ARMC5: variants seen among roughly 807,000 people sequenced by gnomAD.
ARMC5 encodes the protein armadillo repeat containing 5, also known as armadillo repeat-containing protein 5.
A neutral mutation model predicts 60.5 loss-of-function variants in ARMC5; 28 were observed. That is an observed-to-expected ratio of 0.46 (90% CI 0.34 to 0.63). The LOEUF is 0.63. ARMC5 is among the 30% of genes least tolerant of loss of function. ARMC5 has a pLI of 0.01. For synonymous variants in ARMC5, 680 were observed against 607.3 expected (o/e 1.12, Z -1.76); for missense variants, 1,189 against 1,304.9 (o/e 0.91, Z 1.37).
At position 31,461,959 on chromosome 16, in the gene ARMC5, G is replaced by A. The variant is rs201474630; in HGVS notation, c.513G>A (p.Gln171=). 180 of 1,614,214 alleles carry A rather than the reference G, an allele frequency of 1.1e-4. No individual in the cohort carries two copies. The Middle Eastern group carries it at 1.3e-3, about 12-fold the overall frequency. ...ILQCMKTDSI[Q]NRTARALGNL... ...AGTGCATGAAGACAGACAGCATCCA[G>A]AACCGAACGGCCCGTGCCCTGGGGA... is the stretch of plus-strand genomic sequence containing the variant. The change falls in exon 2 of 6, where the codon CAG becomes CAA. Residue 171 remains glutamine, a synonymous_variant. Coordinates refer to ENST00000268314, the MANE Select transcript of ARMC5 (RefSeq NM_001105247.2).
chr16:31,460,943 C>T (rs2082298942), intron 1 of ARMC5, among the ~76,000 whole-genome samples: 1 of 152,172 alleles, frequency 6.6e-6, no homozygotes, highest in East Asian at 1.9e-4. Flanking sequence ...GTTTTGATGA[C>T]ATCTTAACTT....
chr16:31,459,765 G>C lies in ARMC5; in HGVS notation c.241G>C (p.Gly81Arg), dbSNP rs754376008. Residue 81 changes from glycine to arginine, a missense_variant, in exon 1 of 6, where the codon GGT becomes CGT. This residue lies in a region of ARMC5 where 327 missense variants were observed against 233.7 expected (regional missense o/e 1.40). Coordinates refer to ENST00000268314, the MANE Select transcript of ARMC5 (RefSeq NM_001105247.2). ...GCTGCTACGGCGAGCGGCTGCAGCG[G>C]GTTCCGCCCCGTCCCAGGCAGGCCC... ...LALLRRAAAA[G>R]SAPSQAGPGS... 9 of 1,536,044 alleles carry C rather than the reference G, an allele frequency of 5.9e-6. No individual in the cohort carries two copies. The South Asian group carries it at 8.3e-5, about 14-fold the overall frequency.
rs1033133219 is a variant in ARMC5 at position 31,459,770 on chromosome 16, C to T, written c.246C>T (p.Ser82=). 10 of 1,538,916 alleles carry T rather than the reference C, an allele frequency of 6.5e-6. No homozygotes were observed. Among genetic ancestry groups the T allele is most frequent in the Middle Eastern group, 2.2e-4 (1 of 4,626 alleles). Residue 82 remains serine (S), a synonymous_variant, in exon 1 of 6, where the codon TCC becomes TCT. Coordinates refer to ENST00000268314, the MANE Select transcript of ARMC5 (RefSeq NM_001105247.2). ...ALLRRAAAAG[S]APSQAGPGSA... is the part of the protein sequence containing the mutation. ...TACGGCGAGCGGCTGCAGCGGGTTC[C>T]GCCCCGTCCCAGGCAGGCCCCGGCT...
rs537788230 is a variant in ARMC5 at position 31,464,292 on chromosome 16, TAAAA to T, written c.1371-81_1371-78del. Reference sequence around the variant, plus strand: ...GCTATAGAGGGATACCACATTTCTTTAAAAAAAAAAAAAAAAAAAAAAAAGACGC... The same window carrying T: ...GCTATAGAGGGATACCACATTTCTTTAAAAAAAAAAAAAAAAAAAAGACGC... On this transcript the variant is annotated intron_variant, in intron 3 of 5. Transcript: ENST00000268314. The surrounding 1 kb of genome is among the most constrained non-coding windows in gnomAD (Gnocchi z 7.6). The T allele has an allele frequency of 3.8e-3, 1,901 of 496,810 alleles. No homozygotes were observed. Among genetic ancestry groups the T allele is most frequent in the East Asian group, 4.9e-3 (110 of 22,380 alleles). 30.8% of individuals were successfully genotyped at this position (496,810 alleles called of 1,614,324 possible). A position where few individuals can be genotyped will look rare whatever the true frequency, so the allele number is the denominator to read the frequency against.
At chr16:31,460,601 C>T (rs769981915) in intron 1 of ARMC5, among the ~76,000 whole-genome samples, 4 of 152,124 alleles carry the variant, frequency 2.6e-5, no homozygotes, top group Non-Finnish European at 5.9e-5. Flanking sequence ...TGCAGTGGTA[C>T]GCGCCTGTAG....
chr16:31,465,740 T>C, intron 4 of ARMC5, 110 bp from the exon 5 acceptor site: 1 of 1,548,326 alleles, frequency 6.5e-7, no homozygotes, highest in Non-Finnish European at 8.6e-7. Flanking sequence ...TGCCCTGATT[T>C]CTCACCCAGA....
chr16:31,463,116 C>T (rs75779906), intron 3 of ARMC5, among the ~76,000 whole-genome samples, 199 bp downstream of exon 3: 5 of 149,492 alleles, frequency 3.3e-5, no homozygotes, highest in South Asian at 2.1e-4. Context: ...TTTTTTTTTT[C>T]GAGACAGAGT....
chr16:31,465,123 T>C, intron 4 of ARMC5: 1 of 1,613,978 alleles, frequency 6.2e-7, no homozygotes, highest in Non-Finnish European at 8.5e-7. Flanking sequence ...ACCCTAACTC[T>C]AGATGCAGCC....
rs549737362 is a variant in ARMC5, at chr16:31,465,135, C to A, written c.1864+248C>A. 3.1e-6 allele frequency: 5 copies of A among 1,613,824 alleles called. No homozygotes were observed. In the South Asian group the frequency reaches 5.5e-5, roughly 18 times the overall value. ...GATACCCTAACTCTAGATGCAGCCC[C>A]GCGCCCAGGATCTGGGCTGGTCTGT... On this transcript the variant is annotated intron_variant, in intron 4 of 5. Transcript: ENST00000268314.
In ARMC5 at chr16:31,462,110, G is replaced by T. The variant is rs946840282; in HGVS notation, c.584-21G>T. The T allele has an allele frequency of 6.2e-7, 1 of 1,612,294 alleles. No homozygotes were observed. The highest frequency in any genetic ancestry group is 8.5e-7 in the Non-Finnish European group (1 of 1,178,996). On this transcript the variant is annotated intron_variant, in intron 2 of 5. Coordinates refer to ENST00000268314, the MANE Select transcript of ARMC5 (RefSeq NM_001105247.2). This position sits in a 1 kb window ranked among gnomAD's most constrained non-coding sequence, Gnocchi z 7.2. Reference sequence around the variant, plus strand: ...GTGTCTGTCCTTGTTCACCCTCTGTGCTCCCCTTTCCTGCCCTCAGGTGCT... The same window carrying T: ...GTGTCTGTCCTTGTTCACCCTCTGTTCTCCCCTTTCCTGCCCTCAGGTGCT...
At chr16:31,463,969 C>T (rs567144643) in intron 3 of ARMC5, among the ~76,000 whole-genome samples, 2 of 152,260 alleles carry the variant, frequency 1.3e-5, no homozygotes, top group East Asian at 3.9e-4. Flanking sequence ...TCTCCGCCCT[C>T]CTTCTCTCCC....
In ARMC5 at chr16:31,462,963, GT is replaced by G. The variant is rs749527410; in HGVS notation, c.1370+47del. The G allele has an allele frequency of 6.8e-7, 1 of 1,470,098 alleles. No individual in the cohort carries two copies. Among genetic ancestry groups the G allele is most frequent in the African/African-American group, 1.4e-5 (1 of 70,522 alleles). The allele number at this position is 1,470,098 out of a possible 1,614,324, so 91.1% of individuals were successfully genotyped here. ...TTGGGAGGGTGAGCAGTGCAGTGAT[GT>G]GGGGTTTGTGTCTGTCTTGGTCCTC... On this transcript the variant is annotated intron_variant, in intron 3 of 5. Coordinates refer to ENST00000268314, the MANE Select transcript of ARMC5 (RefSeq NM_001105247.2). The surrounding 1 kb of genome is among the most constrained non-coding windows in gnomAD (Gnocchi z 7.2).
At chr16:31,458,626 C>T, upstream of ARMC5, 1 of 1,440,340 alleles carries the variant, frequency 6.9e-7, no homozygotes, top group Non-Finnish European at 9.3e-7. Context: ...TTGGCAAAGG[C>T]TTCTTCCTCC....
rs773617345 is a variant in ARMC5, at chr16:31,462,763, C to A, written c.1216C>A (p.Arg406=). The A allele has an allele frequency of 1.9e-6, 3 of 1,613,746 alleles. No homozygotes were observed. The highest frequency in any genetic ancestry group is 2.5e-6 in the Non-Finnish European group (3 of 1,180,018). ...GFLYDTGALG[R]LQALGLVPLL... The stretch of plus-strand genomic sequence containing the variant: ...TCTGTATGACACTGGGGCCCTGGGC[C>A]GGCTGCAGGCTCTGGGACTTGTGCC... The change falls in exon 3 of 6, where the codon CGG becomes AGG. Residue 406 remains arginine, a synonymous_variant. Coordinates refer to ENST00000268314, the MANE Select transcript of ARMC5 (RefSeq NM_001105247.2). The surrounding 1 kb of genome is among the most constrained non-coding windows in gnomAD (Gnocchi z 7.2).
chr16:31,458,786 C>G, upstream of ARMC5: 1 of 1,516,848 alleles, frequency 6.6e-7, no homozygotes, highest in Non-Finnish European at 8.8e-7. Context: ...CCCGCCCCGT[C>G]CGGATTCTCC....
At chr16:31,465,669 C>T in intron 4 of ARMC5, 181 bp from the exon 5 acceptor site, 1 of 1,433,386 alleles carries the variant, frequency 7.0e-7, no homozygotes, top group East Asian at 2.5e-5. Flanking sequence ...ACTGTCCCAC[C>T]TTCTGTCCTT....
chr16:31,459,794 C>T lies in ARMC5; in HGVS notation c.270C>T (p.Gly90=). The change falls in exon 1 of 6, where the codon GGC becomes GGT. Residue 90 remains glycine (G), a synonymous_variant. Coordinates refer to ENST00000268314, the MANE Select transcript of ARMC5 (RefSeq NM_001105247.2). The part of the protein sequence containing the change: ...AGSAPSQAGP[G]SAPSSAASGA... ...CCGCCCCGTCCCAGGCAGGCCCCGGCTCCGCCCCCTCGTCGGCCGCGTCGG... is the reference window on the plus strand; with the variant it reads ...CCGCCCCGTCCCAGGCAGGCCCCGGTTCCGCCCCCTCGTCGGCCGCGTCGG... The T allele has an allele frequency of 6.5e-7, 1 of 1,538,774 alleles. No homozygotes were observed. Among genetic ancestry groups the T allele is most frequent in the Non-Finnish European group, 8.7e-7 (1 of 1,148,782 alleles).
In ARMC5 at chr16:31,459,702, C is replaced by T. The variant is rs1276731925; in HGVS notation, c.178C>T (p.Arg60Cys). ...CATCAAGGCAGCGGGGGGAATCGAGCGCTTCCGGGCACGCGGCGGGCTCCG... is the reference window on the plus strand; with the variant it reads ...CATCAAGGCAGCGGGGGGAATCGAGTGCTTCCGGGCACGCGGCGGGCTCCG... Reference protein sequence around the residue: ...RHIKAAGGIERFRARGGLRPL... With the variant: ...RHIKAAGGIECFRARGGLRPL... The change falls in exon 1 of 6, where the codon CGC becomes TGC. Residue 60 changes from arginine (R) to cysteine (C), a missense_variant. By Grantham distance (180) the Arg-to-Cys change is radical (BLOSUM62 -3). Transcript: ENST00000268314. The T allele has an allele frequency of 6.4e-7, 1 of 1,565,634 alleles. No individual in the cohort carries two copies. Among genetic ancestry groups the T allele is most frequent in the Non-Finnish European group, 8.6e-7 (1 of 1,166,710 alleles).
At chr16:31,463,685 G>T (rs1009392334) in intron 3 of ARMC5, among the ~76,000 whole-genome samples, 3 of 152,072 alleles carry the variant, frequency 2.0e-5, no homozygotes, top group Admixed American at 2.0e-4. Context: ...AGGGATTACA[G>T]ATGTGAGCCA....
Sources: gnomAD v4.1 joint callset for allele counts (sites outside exome capture counted in the v4.1 genomes callset) on GRCh38, gnomAD v4.1.1 for gene constraint, gnomAD v4.1.1 regional missense constraint, Gnocchi (gnomAD v3.1) non-coding constraint, MANE v1.5 for transcripts, NCBI Gene and HGNC (gene_info 2026-07-23, HGNC 2026-07-21) for gene names.